Variants in CSMD2 observed in about 807,000 individuals in gnomAD.
CSMD2 encodes CUB and Sushi multiple domains 2, also known as CUB and sushi domain-containing protein 2.
A neutral mutation model predicts 398.5 loss-of-function variants in CSMD2; 130 were observed. The ratio of observed to expected loss-of-function variants is 0.33; its 90% CI spans 0.28 to 0.38. The LOEUF is 0.38. Ranked by LOEUF, CSMD2 falls within the 10% of genes least tolerant of loss-of-function variation. CSMD2 has a pLI of 1.00. For missense variants in CSMD2, 3,829 were observed against 4,764.9 expected, an observed-to-expected ratio of 0.80 and a Z score of 5.78; for synonymous variants, 1,828 against 1,908.5, an observed-to-expected ratio of 0.96 and a Z score of 1.10.
At chr1:33,823,111 C>A (rs1056186291) in intron 7 of CSMD2, among the ~76,000 whole-genome samples, 4 of 152,168 alleles carry the variant, frequency 2.6e-5, no homozygotes, top group African/African-American at 9.7e-5. Flanking sequence ...GAGACCATGG[C>A]AAAGCCCACC....
intron 10 of CSMD2, among the ~76,000 whole-genome samples, chr1:33,804,585 TTACGTGCA>T (rs1023684495): frequency 4.5e-4 from 68 of 152,042 alleles, no homozygotes; most frequent in African/African-American, 1.6e-3. Context: ...TTCTTCACTC[TTACGTGCA>T]CACTCCTCAA....
chr1:33,897,683 G>A (rs1313514182), intron 5 of CSMD2, among the ~76,000 whole-genome samples: 2 of 152,206 alleles, frequency 1.3e-5, no homozygotes, highest in Non-Finnish European at 2.9e-5. Context: ...AATCACCCAG[G>A]CACTACCAGG....
At chr1:33,750,122 A>G (rs1648016626) in intron 13 of CSMD2, among the ~76,000 whole-genome samples, 1 of 152,222 alleles carries the variant, frequency 6.6e-6, no homozygotes, top group Non-Finnish European at 1.5e-5. Context: ...ATGGAGAGGC[A>G]AACTATGTTC....
chr1:33,644,068 G>A (rs1370285370), intron 29 of CSMD2, among the ~76,000 whole-genome samples: 1 of 152,174 alleles, frequency 6.6e-6, no homozygotes, highest in African/African-American at 2.4e-5. Context: ...TCTGTAGGAT[G>A]TGCCTCTCTT....
intron 5 of CSMD2, among the ~76,000 whole-genome samples, chr1:33,850,583 C>T (rs1319313490): frequency 6.6e-6 from 1 of 152,138 alleles, no homozygotes; most frequent in Non-Finnish European, 1.5e-5. Flanking sequence ...TTTAATTTTG[C>T]TCCCTCTTAG....
intron 2 of CSMD2, among the ~76,000 whole-genome samples, chr1:34,084,243 A>G (rs1296198753): frequency 2.6e-5 from 4 of 152,274 alleles, no homozygotes; most frequent in African/African-American, 9.6e-5. Flanking sequence ...TCTCCAGGTC[A>G]TGGAAACTCC....
intron 13 of CSMD2, among the ~76,000 whole-genome samples, chr1:33,746,907 G>C (rs1457255516): frequency 1.3e-5 from 2 of 152,208 alleles, no homozygotes; most frequent in Admixed American, 6.5e-5. Flanking sequence ...ATGGATACCT[G>C]TGTCAACTCT....
intron 48 of CSMD2, among the ~76,000 whole-genome samples, chr1:33,580,417 G>T (rs1239693316): frequency 6.6e-6 from 1 of 152,180 alleles, no homozygotes; most frequent in East Asian, 1.9e-4. Context: ...CTTAACATCT[G>T]CCAGTCAGAG....
chr1:33,727,155 T>G (rs922810627), intron 15 of CSMD2, among the ~76,000 whole-genome samples: 10 of 152,164 alleles, frequency 6.6e-5, no homozygotes, highest in African/African-American at 2.4e-4. Context: ...ATGGGATGTG[T>G]TAATTGTGTT....
intron 19 of CSMD2, 134 bp downstream of exon 19, chr1:33,724,060 CTTG>C: frequency 1.5e-6 from 1 of 670,670 alleles, no homozygotes; most frequent in South Asian, 1.8e-5. Flanking sequence ...TGGAAGTTTT[CTTG>C]TTGGTGAGAA....
At chr1:33,642,060 C>T (rs1354437462) in intron 29 of CSMD2, among the ~76,000 whole-genome samples, 1 of 152,074 alleles carries the variant, frequency 6.6e-6, no homozygotes. Flanking sequence ...GATTCAAAGC[C>T]AAGAGTGATC....
intron 13 of CSMD2, among the ~76,000 whole-genome samples, chr1:33,765,069 C>T (rs1024116846): frequency 5.3e-5 from 8 of 152,106 alleles, no homozygotes; most frequent in African/African-American, 1.4e-4. Context: ...TTTAGAAAGA[C>T]GGAAGTAGGC....
Position 33,557,858 on chromosome 1 carries a change from C to A in CSMD2, c.8619G>T (p.Pro2873=), listed in dbSNP as rs377461619. The change falls in exon 55 of 71, where the codon CCG becomes CCT. Residue 2873 remains proline, a synonymous_variant. Transcript: ENST00000373381. ...NSVRQVHASG[P]HRFSFGTTVS... ...CAGTGGTGCCGAAGCTGAACCTGTG[C>A]GGGCCGCTGGCGTGGACCTGACGAA... is the stretch of plus-strand genomic sequence containing the variant. 5.2e-6 allele frequency: 8 copies of A among 1,536,030 alleles called. No individual in the cohort carries two copies. The South Asian group carries it at 6.0e-5, about 11-fold the overall frequency.
chr1:33,725,208 G>A (rs190407278), intron 17 of CSMD2, 141 bp downstream of exon 17: 7 of 671,342 alleles, frequency 1.0e-5, no homozygotes, highest in Non-Finnish European at 1.8e-5. Flanking sequence ...CCTTCCCCAG[G>A]GCCTTCTGAA....
chr1:33,788,735 A>C, intron 11 of CSMD2, 23 bp from the exon 12 acceptor site: 4 of 1,393,682 alleles, frequency 2.9e-6, no homozygotes, highest in Non-Finnish European at 4.1e-6. Context: ...AGATATTTAG[A>C]GGTGTGCTCT....
intron 25 of CSMD2, 46 bp downstream of exon 25, chr1:33,692,884 C>A: frequency 1.2e-6 from 2 of 1,601,348 alleles, no homozygotes; most frequent in Non-Finnish European, 1.7e-6. Flanking sequence ...GATGATGGCT[C>A]CCCTGAACAA....
chr1:33,842,551 C>G (rs1387858113), intron 6 of CSMD2, among the ~76,000 whole-genome samples: 1 of 152,048 alleles, frequency 6.6e-6, no homozygotes, highest in Non-Finnish European at 1.5e-5. Context: ...TCTAGGTTGG[C>G]AAACTTTTTC....
chr1:33,697,260 G>A (rs1224835297), intron 24 of CSMD2, among the ~76,000 whole-genome samples: 4 of 152,122 alleles, frequency 2.6e-5, no homozygotes, highest in Non-Finnish European at 5.9e-5. Context: ...GTGTGTTTAT[G>A]CAAGCATCAC....
At chr1:33,711,857 C>G (rs1571308395) in intron 21 of CSMD2, among the ~76,000 whole-genome samples, 1 of 152,298 alleles carries the variant, frequency 6.6e-6, no homozygotes, top group East Asian at 1.9e-4. Context: ...TTAGATGTGG[C>G]CAGTCCTTGG....
Sources: gnomAD v4.1 joint callset for allele counts (sites outside exome capture counted in the v4.1 genomes callset) on GRCh38, gnomAD v4.1.1 for gene constraint, MANE v1.5 for transcripts, NCBI Gene and HGNC (gene_info 2026-07-23, HGNC 2026-07-21) for gene names.